NR2C1: variants seen among roughly 807,000 people sequenced by gnomAD.
NR2C1 encodes TR2 nuclear hormone receptor.
A neutral mutation model predicts 74.8 loss-of-function variants in NR2C1; 33 were observed. The ratio of observed to expected loss-of-function variants is 0.44; its 90% confidence interval spans 0.33 to 0.59. The LOEUF is 0.59. Ranked by LOEUF, NR2C1 falls within the 20% of genes least tolerant of loss-of-function variation. NR2C1 has a pLI of 0.02. For missense variants in NR2C1, 568 were observed against 715.6 expected (o/e 0.79, Z 2.35); for synonymous variants, 225 against 240.6 (o/e 0.94, Z 0.60).
At position 95,057,596 on chromosome 12, in the gene NR2C1, G is replaced by A. The variant is rs1224135590; in HGVS notation, c.740C>T (p.Ser247Phe). ...CACAGCTGACTCAGTTTTTACTCCA[G>A]ATGGATGAATATTCATGAACATTCC... ...DSGMFMNIHP[S>F]GVKTESAVLM... Residue 247 changes from serine to phenylalanine, a missense_variant, in exon 7 of 14, where the codon TCT (serine) becomes TTT (phenylalanine). This residue lies in a region of NR2C1 where 239 missense variants were observed against 232.3 expected (regional missense o/e 1.03). Transcript: ENST00000333003. The A allele has an allele frequency of 6.2e-7, 1 of 1,613,918 alleles. No individual in the cohort carries two copies. The highest frequency in any genetic ancestry group is 2.2e-5 in the East Asian group (1 of 44,876).
At chr12:95,034,929 A>G (rs150811220) in intron 10 of NR2C1, among the ~76,000 whole-genome samples, 5 of 152,278 alleles carry the variant, frequency 3.3e-5, no homozygotes, top group African/African-American at 1.2e-4. Context: ...TGGGCAACAC[A>G]TGCCTATACT....
At chr12:95,072,614 AC>A (rs1289666435) in intron 1 of NR2C1, 1 of 152,162 alleles carries the variant, frequency 6.6e-6, no homozygotes, top group Non-Finnish European at 1.5e-5. Flanking sequence ...CTTTCCGGTT[AC>A]TTTTTTAAAG....
chr12:95,048,087 T>G (rs571574713), intron 9 of NR2C1, among the ~76,000 whole-genome samples: 218 of 152,298 alleles, frequency 1.4e-3, no homozygotes, highest in Non-Finnish European at 2.6e-3. Flanking sequence ...TTAAATTTTA[T>G]TATGTAATTT....
At chr12:95,027,926 T>G (rs1407823127) in intron 12 of NR2C1, among the ~76,000 whole-genome samples, 5 of 152,184 alleles carry the variant, frequency 3.3e-5, no homozygotes, top group South Asian at 2.1e-4. Flanking sequence ...TCTATACAGG[T>G]TTACCTATTT....
Position 95,025,242 on chromosome 12 carries a change from T to G in NR2C1, c.1545A>C (p.Leu515=). 11 of 1,585,214 alleles carry G rather than the reference T, an allele frequency of 6.9e-6. No homozygotes were observed. Among genetic ancestry groups the G allele is most frequent in the Non-Finnish European group, 8.6e-6 (10 of 1,159,172 alleles). ...ATTTCTCTATCTGTTCCATGTTTTC[T>G]AGGCTTGGATGATCTGAAACATTAA... ...IVLFSPDHPS[L]ENMEQIEKFQ... is the part of the protein sequence containing the mutation. The change falls in exon 13 of 14, where the codon CTA becomes CTC. Residue 515 remains leucine, a synonymous_variant. Transcript: ENST00000333003.
rs1592769790 is a variant in NR2C1 at position 95,054,376 on chromosome 12, T to C, written c.784-2433A>G. Among the ~76,000 whole-genome samples the C allele has an allele frequency of 2.0e-5, 3 of 151,942 alleles. 1 individual carries two copies. The highest frequency in any genetic ancestry group is 2.0e-4 in the Admixed American group (3 of 15,248). On this transcript the variant is annotated intron_variant, in intron 7 of 13. Transcript: ENST00000333003. ...AGACTGGAGTGCAGTGCCAGGATCATAGCTCACTGCAGCTTTGAACTCCTA... is the reference window on the plus strand; with the variant it reads ...AGACTGGAGTGCAGTGCCAGGATCACAGCTCACTGCAGCTTTGAACTCCTA...
intron 8 of NR2C1, 148 bp downstream of exon 8, chr12:95,051,614 C>T (rs986154779): frequency 7.2e-5 from 49 of 681,122 alleles, no homozygotes; most frequent in Admixed American, 6.8e-5. Context: ...CAAAGCATTT[C>T]GGATAAGAGA....
chr12:95,041,347 C>T (rs1038297827), intron 9 of NR2C1, among the ~76,000 whole-genome samples: 1 of 151,758 alleles, frequency 6.6e-6, no homozygotes, highest in African/African-American at 2.4e-5. Flanking sequence ...AAAATTGAGC[C>T]GTGTGTGGTG....
intron 10 of NR2C1, among the ~76,000 whole-genome samples, chr12:95,035,718 C>CAAA (rs928522544): frequency 5.3e-5 from 8 of 152,074 alleles, no homozygotes; most frequent in Non-Finnish European, 4.4e-5. Context: ...AACCCCAAAC[C>CAAA]AAAAACCCTG....
At chr12:95,048,265 A>T (rs916743426) in intron 9 of NR2C1, among the ~76,000 whole-genome samples, 1 of 152,180 alleles carries the variant, frequency 6.6e-6, no homozygotes, top group Admixed American at 6.5e-5. Context: ...CAGCTAATTA[A>T]GATGATACAT....
At chr12:95,045,109 G>A (rs866251733) in intron 9 of NR2C1, among the ~76,000 whole-genome samples, 15 of 151,980 alleles carry the variant, frequency 9.9e-5, no homozygotes, top group South Asian at 8.3e-4. Context: ...TAATCACTTC[G>A]CCTAATTACC....
In NR2C1 at chr12:95,059,983, A is replaced by C; in HGVS notation, c.287T>G (p.Leu96Arg). ...TPDLSAQHLQ[L>R]LTDNSPDQGP... ...TTGGTCTGGAGAATTATCTGTTAGG[A>C]GCTAAAAAAAAAAAAAAAAAAAAAG... The change falls in exon 4 of 14, where the codon CTC becomes CGC. Residue 96 changes from leucine to arginine, a missense_variant and splice_region_variant. By Grantham distance (102) the Leu-to-Arg change is moderately radical. This residue lies in a region of NR2C1 where 128 missense variants were observed against 118.9 expected (regional missense o/e 1.08). Transcript: ENST00000333003. 1 of 1,137,966 alleles carries C rather than the reference A, an allele frequency of 8.8e-7. No individual in the cohort carries two copies. The highest frequency in any genetic ancestry group is 1.2e-6 in the Non-Finnish European group (1 of 820,380). 70.5% of individuals were successfully genotyped at this position (1,137,966 alleles called of 1,614,324 possible). A position where few individuals can be genotyped will look rare whatever the true frequency, so the allele number is the denominator to read the frequency against.
At chr12:95,049,850 C>A (rs1408651538) in intron 8 of NR2C1, among the ~76,000 whole-genome samples, 1 of 152,142 alleles carries the variant, frequency 6.6e-6, no homozygotes, top group Non-Finnish European at 1.5e-5. Context: ...GGCTGGAGTG[C>A]AGTGGCATGA....
intron 7 of NR2C1, among the ~76,000 whole-genome samples, chr12:95,052,753 T>C (rs1483529896): frequency 1.3e-5 from 2 of 152,096 alleles, no homozygotes; most frequent in Non-Finnish European, 2.9e-5. Context: ...ACTATAAACT[T>C]GTATGGAATA....
At chr12:95,048,993 CAT>C in intron 9 of NR2C1, 73 bp downstream of exon 9, 1 of 1,339,636 alleles carries the variant, frequency 7.5e-7, no homozygotes, top group South Asian at 1.3e-5. Context: ...GCACAACAAA[CAT>C]ACTTTGATTT....
intron 4 of NR2C1, among the ~76,000 whole-genome samples, chr12:95,059,565 AGCCATGCGTGCTG>A (rs1007590648): frequency 6.6e-6 from 1 of 151,704 alleles, no homozygotes; most frequent in Non-Finnish European, 1.5e-5. Context: ...TACAAAAATT[AGCCATGCGTGCTG>A]GCATGCACCT....
At chr12:95,047,647 C>T (rs77856298) in intron 9 of NR2C1, among the ~76,000 whole-genome samples, 4,469 of 152,262 alleles carry the variant, frequency 0.029, 128 homozygotes, top group Middle Eastern at 0.092. Context: ...TATGAGCAGT[C>T]ACCCTCAGGT....
intron 9 of NR2C1, 50 bp from the exon 10 acceptor site, chr12:95,040,647 A>C (rs1871412639): frequency 2.6e-6 from 4 of 1,528,228 alleles, no homozygotes; most frequent in Non-Finnish European, 3.5e-6. Flanking sequence ...GAAAAGTTCT[A>C]AATTATCATT....
chr12:95,073,098 G>A (rs980012681), intron 1 of NR2C1: 1 of 152,374 alleles, frequency 6.6e-6, no homozygotes, highest in African/African-American at 2.4e-5. Flanking sequence ...CAGCTGGAAA[G>A]GGGGTTGTGT....
Sources: gnomAD v4.1 joint callset for allele counts (sites outside exome capture counted in the v4.1 genomes callset) on GRCh38, gnomAD v4.1.1 for gene constraint, gnomAD v4.1.1 regional missense constraint, MANE v1.5 for transcripts, NCBI Gene and HGNC (gene_info 2026-07-23, HGNC 2026-07-21) for gene names.